CEP63: variants seen among roughly 807,000 people sequenced by gnomAD.
CEP63 encodes the protein centrosomal protein of 63 kDa.
A neutral mutation model predicts 89.1 loss-of-function variants in CEP63; 84 were observed. The ratio of observed to expected loss-of-function variants is 0.94; its 90% CI spans 0.79 to 1.13. CEP63 has a LOEUF of 1.13. Ranked by LOEUF, CEP63 falls within the 50% of genes most tolerant of loss-of-function variation. The probability of loss-of-function intolerance (pLI) is 0.00; values close to 1 mark genes in which losing one functional copy is unlikely to be tolerated. For synonymous variants in CEP63, 267 were observed against 272.5 expected, an observed-to-expected ratio of 0.98 and a Z score of 0.20; for missense variants, 838 against 813.3, an observed-to-expected ratio of 1.03 and a Z score of -0.37.
At chr3:134,756,802 C>T in the CEP63 span, among the ~76,000 whole-genome samples, 3 of 152,138 alleles carry the variant, frequency 2.0e-5, no homozygotes, top group Non-Finnish European at 2.9e-5. Context: ...TCCAGCTGAA[C>T]CTGAAGAAGA....
chr3:134,748,242 G>A, the CEP63 span, among the ~76,000 whole-genome samples: 3 of 151,976 alleles, frequency 2.0e-5, no homozygotes, highest in Non-Finnish European at 4.4e-5. Flanking sequence ...TCACCAAATC[G>A]TCCCTCTCCT....
intron 10 of CEP63, among the ~76,000 whole-genome samples, chr3:134,581,714 T>C (rs6439496): frequency 1 from 120,466 of 120,932 alleles, 60,006 homozygotes; most frequent in East Asian, 1. Flanking sequence ...CTCGCTCTGT[T>C]GCCCAGGCTG....
the CEP63 span, among the ~76,000 whole-genome samples, chr3:134,741,766 C>G: frequency 6.6e-6 from 1 of 152,200 alleles, no homozygotes; most frequent in Non-Finnish European, 1.5e-5. Flanking sequence ...TTAAACACAT[C>G]TAAATCCTTA....
chr3:134,680,398 A>G, the CEP63 span, among the ~76,000 whole-genome samples: 39 of 152,336 alleles, frequency 2.6e-4, no homozygotes, highest in Admixed American at 7.2e-4. Flanking sequence ...GTAACTCTTG[A>G]TTGAAACAGC....
the CEP63 span, among the ~76,000 whole-genome samples, chr3:134,664,129 C>G: frequency 1.3e-5 from 2 of 152,184 alleles, no homozygotes; most frequent in Admixed American, 1.3e-4. Flanking sequence ...ACCTGTTAGG[C>G]TGATTCAATT....
intron 3 of CEP63, among the ~76,000 whole-genome samples, chr3:134,507,606 A>G (rs1190044669): frequency 6.6e-6 from 1 of 152,166 alleles, no homozygotes; most frequent in Non-Finnish European, 1.5e-5. Context: ...ACTGAGTTTC[A>G]TGGAAATTGC....
chr3:134,721,903 T>G, the CEP63 span, among the ~76,000 whole-genome samples: 1,042 of 152,244 alleles, frequency 6.8e-3, 10 homozygotes, highest in African/African-American at 0.023. Flanking sequence ...GCATCTATAT[T>G]TATAAGAGAT....
At chr3:134,680,741 A>G in the CEP63 span, among the ~76,000 whole-genome samples, 1 of 152,234 alleles carries the variant, frequency 6.6e-6, no homozygotes, top group Non-Finnish European at 1.5e-5. Context: ...ATAGTTCCTT[A>G]TCGAGCTAGT....
At chr3:134,730,829 C>T in the CEP63 span, among the ~76,000 whole-genome samples, 2 of 151,942 alleles carry the variant, frequency 1.3e-5, no homozygotes, top group African/African-American at 2.4e-5. Context: ...AGAATTATCA[C>T]ATTAAATTTT....
At chr3:134,650,451 G>C in the CEP63 span, among the ~76,000 whole-genome samples, 8 of 152,190 alleles carry the variant, frequency 5.3e-5, no homozygotes, top group Admixed American at 5.2e-4. Flanking sequence ...GTGCTGTGGG[G>C]GGGAGCAGGC....
chr3:134,703,061 T>C, the CEP63 span, among the ~76,000 whole-genome samples: 11,082 of 152,160 alleles, frequency 0.073, 725 homozygotes, highest in African/African-American at 0.18. Flanking sequence ...TTTGGGAGGC[T>C]GAGATGGGTG....
the CEP63 span, among the ~76,000 whole-genome samples, chr3:134,730,653 A>C: frequency 6.6e-6 from 1 of 152,158 alleles, no homozygotes; most frequent in Non-Finnish European, 1.5e-5. Context: ...ATAACAAATC[A>C]GTTTCTTTAA....
chr3:134,650,857 G>T, the CEP63 span: 3 of 1,608,444 alleles, frequency 1.9e-6, no homozygotes, highest in Non-Finnish European at 1.7e-6. Flanking sequence ...GCTCGGGTTC[G>T]CCTGCTGGTC....
intron 6 of CEP63, among the ~76,000 whole-genome samples, chr3:134,541,313 T>G (rs566989323): frequency 6.6e-6 from 1 of 152,122 alleles, no homozygotes; most frequent in Non-Finnish European, 1.5e-5. Flanking sequence ...AAGTCTTACC[T>G]AAGTCAAATT....
At chr3:134,706,557 G>T in the CEP63 span, among the ~76,000 whole-genome samples, 1 of 152,138 alleles carries the variant, frequency 6.6e-6, no homozygotes, top group Non-Finnish European at 1.5e-5. Flanking sequence ...GACCTATCCT[G>T]CCTCACCCTA....
the CEP63 span, among the ~76,000 whole-genome samples, chr3:134,776,443 T>G: frequency 6.6e-6 from 1 of 152,192 alleles, no homozygotes; most frequent in African/African-American, 2.4e-5. Flanking sequence ...CTGGTGTATA[T>G]TACACTGATA....
the CEP63 span, among the ~76,000 whole-genome samples, chr3:134,747,855 G>A: frequency 6.6e-6 from 1 of 152,040 alleles, no homozygotes; most frequent in Non-Finnish European, 1.5e-5. Context: ...GCATGATCTC[G>A]GCTCACTGCT....
chr3:134,585,645 G>A (rs1205459874), intron 10 of CEP63, among the ~76,000 whole-genome samples: 1 of 152,142 alleles, frequency 6.6e-6, no homozygotes, highest in African/African-American at 2.4e-5. Context: ...GTGCGATGTG[G>A]TGCTGAGAAG....
At chr3:134,670,004 C>G in the CEP63 span, among the ~76,000 whole-genome samples, 16 of 152,304 alleles carry the variant, frequency 1.1e-4, no homozygotes, top group African/African-American at 2.4e-4. Flanking sequence ...TGAGAGCTCC[C>G]TTGCCCTTTC....
Sources: gnomAD v4.1 joint callset for allele counts (sites outside exome capture counted in the v4.1 genomes callset) on GRCh38, gnomAD v4.1.1 for gene constraint, MANE v1.5 for transcripts, NCBI Gene and HGNC (gene_info 2026-07-23, HGNC 2026-07-21) for gene names.